TCF4: variants seen among roughly 807,000 people sequenced by gnomAD.
The protein encoded by TCF4 is SL3-3 enhancer factor 2.
TCF4 carries 3 observed loss-of-function variants against 82.1 expected under a neutral mutation model. The observed-to-expected ratio is 0.04, with a 90% CI of 0.02 to 0.09. TCF4 has a LOEUF of 0.09. Among genes scored for constraint, TCF4 ranks in the 10% least tolerant of loss-of-function variants. The probability of loss-of-function intolerance (pLI) is 1.00; values close to 1 mark genes in which losing one functional copy is unlikely to be tolerated. For synonymous variants in TCF4, 276 were observed against 309.6 expected, an observed-to-expected ratio of 0.89 and a Z score of 1.14; for missense variants, 518 against 852.7, an observed-to-expected ratio of 0.61 and a Z score of 4.89.
At chr18:55,518,616 T>A (rs1381277365) in intron 3 of TCF4, among the ~76,000 whole-genome samples, 1 of 152,142 alleles carries the variant, frequency 6.6e-6, no homozygotes, top group Non-Finnish European at 1.5e-5. Context: ...CAACAAAAAT[T>A]TTTTTAACCG....
intron 2 of TCF4, among the ~76,000 whole-genome samples, chr18:55,607,245 A>G (rs1190444597): frequency 6.6e-6 from 1 of 152,238 alleles, no homozygotes; most frequent in Non-Finnish European, 1.5e-5. Flanking sequence ...CAGTGGAAGT[A>G]CTTTTGATTA....
At chr18:55,415,933 T>C (rs893130648) in intron 5 of TCF4, among the ~76,000 whole-genome samples, 2 of 152,248 alleles carry the variant, frequency 1.3e-5, no homozygotes, top group Non-Finnish European at 2.9e-5. Context: ...AATCTATTAA[T>C]TAACTTTTGC....
intron 8 of TCF4, chr18:55,332,141 T>C (rs758774354): frequency 6.6e-6 from 1 of 152,198 alleles, no homozygotes; most frequent in Non-Finnish European, 1.5e-5. Flanking sequence ...CTTTGAACAT[T>C]CAATTATAAA....
At chr18:55,330,143 G>GGCTGT in intron 8 of TCF4, among the ~76,000 whole-genome samples, 1 of 151,752 alleles carries the variant, frequency 6.6e-6, no homozygotes, top group Admixed American at 6.6e-5. Flanking sequence ...TTTGTACATG[G>GGCTGT]GCTGTGACCT....
chr18:55,605,931 A>G (rs1283957515), intron 2 of TCF4, among the ~76,000 whole-genome samples: 1 of 152,250 alleles, frequency 6.6e-6, no homozygotes, highest in Non-Finnish European at 1.5e-5. Context: ...CAATTGTGTC[A>G]GTATCAGCTG....
chr18:55,482,459 T>C (rs1038694656), intron 3 of TCF4, among the ~76,000 whole-genome samples: 1 of 152,050 alleles, frequency 6.6e-6, no homozygotes, highest in Non-Finnish European at 1.5e-5. Flanking sequence ...CCCACACAAA[T>C]CACACAGATA....
intron 6 of TCF4, among the ~76,000 whole-genome samples, chr18:55,400,179 T>C (rs975349877): frequency 2.0e-5 from 3 of 152,168 alleles, no homozygotes; most frequent in Admixed American, 6.5e-5. Context: ...GCATTTGCAA[T>C]GATGCCCATT....
chr18:55,294,464 T>C (rs142299347), intron 8 of TCF4, among the ~76,000 whole-genome samples: 144 of 152,248 alleles, frequency 9.5e-4, no homozygotes, highest in Admixed American at 8.1e-3. Context: ...AGTCCTTTCC[T>C]TCACTTACAA....
At chr18:55,302,617 T>A (rs2068687183) in intron 8 of TCF4, 1 of 1,522,000 alleles carries the variant, frequency 6.6e-7, no homozygotes, top group South Asian at 1.2e-5. Flanking sequence ...ATGCTGGATA[T>A]ATGAAACTCA....
intron 2 of TCF4, among the ~76,000 whole-genome samples, chr18:55,604,673 G>C (rs754034041): frequency 5.3e-5 from 8 of 152,188 alleles, no homozygotes; most frequent in Non-Finnish European, 1.2e-4. Flanking sequence ...TCAAGTAATG[G>C]ATAGATGAAA....
At chr18:55,401,625 G>A in intron 6 of TCF4, 1 of 989,122 alleles carries the variant, frequency 1.0e-6, no homozygotes, top group Non-Finnish European at 1.2e-6. Flanking sequence ...TTCACCCGAG[G>A]GAAGTATTCC....
chr18:55,378,010 A>G (rs879860840), intron 6 of TCF4, among the ~76,000 whole-genome samples: 1 of 152,210 alleles, frequency 6.6e-6, no homozygotes. Context: ...ATTTCCTTTT[A>G]ATAAGTTAAA....
chr18:55,498,051 C>T (rs1284524772), intron 3 of TCF4, among the ~76,000 whole-genome samples: 2 of 152,234 alleles, frequency 1.3e-5, no homozygotes, highest in Non-Finnish European at 2.9e-5. Context: ...GCACTGCCAG[C>T]TTGTCAGTCA....
intron 6 of TCF4, among the ~76,000 whole-genome samples, chr18:55,366,544 C>A (rs968396297): frequency 6.6e-6 from 1 of 152,206 alleles, no homozygotes; most frequent in Non-Finnish European, 1.5e-5. Context: ...CCTTTTCCTA[C>A]AATGTGCTTA....
rs1416365944 is a variant in TCF4 at position 55,294,511 on chromosome 18, A to C, written c.550-14855T>G. ...CAGAATTTTAGTGTTGAAGGGAAGT[A>C]TACATCATGCACCCTTTTTCAGAAA... On this transcript the variant is annotated intron_variant, in intron 8 of 19. Transcript: ENST00000354452. Among the ~76,000 whole-genome samples, 5 of 152,300 alleles carry C rather than the reference A, an allele frequency of 3.3e-5. No individual in the cohort carries two copies. The East Asian group carries it at 9.7e-4, about 29-fold the overall frequency.
chr18:55,255,418 C>T (rs2056543104), intron 14 of TCF4, among the ~76,000 whole-genome samples: 3 of 152,088 alleles, frequency 2.0e-5, no homozygotes, highest in South Asian at 4.1e-4. Flanking sequence ...AGTTCAAAGC[C>T]CCAACTATAG....
At chr18:55,397,883 A>C (rs1328184493) in intron 6 of TCF4, among the ~76,000 whole-genome samples, 1 of 152,210 alleles carries the variant, frequency 6.6e-6, no homozygotes, top group Non-Finnish European at 1.5e-5. Context: ...TACACACAAG[A>C]AAATACTGTA....
chr18:55,278,543 T>C (rs911732264), intron 9 of TCF4, among the ~76,000 whole-genome samples: 1 of 148,268 alleles, frequency 6.7e-6, no homozygotes, highest in Non-Finnish European at 1.5e-5. Context: ...TTTTAAAAAA[T>C]TCATTTATTT....
chr18:55,588,361 C>G, upstream of TCF4: 1 of 1,499,502 alleles, frequency 6.7e-7, no homozygotes, highest in Non-Finnish European at 8.8e-7. Context: ...TGCTCCGGGT[C>G]GGGCAGGCTA....
Sources: allele counts gnomAD v4.1 joint callset (sites outside exome capture counted in the v4.1 genomes callset), GRCh38; gene constraint gnomAD v4.1.1; transcripts MANE v1.5; gene names NCBI Gene and HGNC (gene_info 2026-07-23, HGNC 2026-07-21).